ICA1: variants seen among roughly 807,000 people sequenced by gnomAD.
ICA1 encodes islet cell autoantigen 1.
ICA1 carries 40 observed loss-of-function variants against 71.0 expected under a neutral mutation model. The ratio of observed to expected loss-of-function variants is 0.56; its 90% confidence interval spans 0.44 to 0.73. ICA1 has a LOEUF of 0.73. Among genes scored for constraint, ICA1 ranks in the 30% least tolerant of loss-of-function variants. The probability of loss-of-function intolerance (pLI) is 0.00; values close to 1 mark genes in which losing one functional copy is unlikely to be tolerated. For synonymous variants in ICA1, 207 were observed against 209.5 expected, an observed-to-expected ratio of 0.99 and a Z score of 0.10; for missense variants, 578 against 576.5, an observed-to-expected ratio of 1.00 and a Z score of -0.03.
At chr7:8,199,712 C>T (rs1326839525) in intron 6 of ICA1, among the ~76,000 whole-genome samples, 1 of 151,946 alleles carries the variant, frequency 6.6e-6, no homozygotes, top group Non-Finnish European at 1.5e-5. Context: ...GACTCTGTCT[C>T]AAAACAAAAA....
chr7:8,255,540 G>T (rs747433875), intron 1 of ICA1, among the ~76,000 whole-genome samples: 3 of 152,116 alleles, frequency 2.0e-5, no homozygotes, highest in Non-Finnish European at 4.4e-5. Flanking sequence ...GGCTTCAACT[G>T]CCAGCTGTAT....
chr7:8,173,161 C>T lies in ICA1; in HGVS notation c.580-14509G>A, dbSNP rs969195732. Among the ~76,000 whole-genome samples, 1 of 152,164 alleles carries T rather than the reference C, an allele frequency of 6.6e-6. No individual in the cohort carries two copies. The highest frequency in any genetic ancestry group is 1.5e-5 in the Non-Finnish European group (1 of 68,030). On this transcript the variant is annotated intron_variant, in intron 6 of 13. Transcript: ENST00000402384. The surrounding 1 kb of genome is among the most constrained non-coding windows in gnomAD (Gnocchi z 4.0). ...AGGTCACGGCCTCTGACTATCATGT[C>T]CCCTCTCTAAGTAACCAGGGCTCCT...
At chr7:8,156,005 G>A (rs1452561306) in intron 8 of ICA1, among the ~76,000 whole-genome samples, 1 of 152,202 alleles carries the variant, frequency 6.6e-6, no homozygotes, top group African/African-American at 2.4e-5. Flanking sequence ...CATTCACCAT[G>A]CAACATGCCA....
At chr7:8,237,474 T>C (rs62433201) in intron 1 of ICA1, among the ~76,000 whole-genome samples, 1,967 of 152,302 alleles carry the variant, frequency 0.013, 19 homozygotes, top group Non-Finnish European at 0.02. Context: ...AGTTTATTCT[T>C]TTAATTTAAA....
intron 1 of ICA1, among the ~76,000 whole-genome samples, chr7:8,252,582 T>C (rs73236352): frequency 0.044 from 6,748 of 152,170 alleles, 459 homozygotes; most frequent in African/African-American, 0.15. Flanking sequence ...GCTCTAAATG[T>C]AAAATTCACA....
chr7:8,180,319 CCAT>C (rs1382777779), intron 6 of ICA1, among the ~76,000 whole-genome samples: 1 of 151,864 alleles, frequency 6.6e-6, no homozygotes, highest in Admixed American at 6.6e-5. Context: ...AACATCACAC[CCAT>C]GACAGTCATC....
In ICA1 at chr7:8,252,428, T is replaced by C. The variant is rs111358783; in HGVS notation, c.-80+9666A>G. 1.4e-3 allele frequency among the ~76,000 whole-genome samples: 219 copies of C among 152,286 alleles called. 1 individual carries two copies. Among genetic ancestry groups the C allele is most frequent in the African/African-American group, 5.0e-3 (206 of 41,570 alleles). On this transcript the variant is annotated intron_variant, in intron 1 of 13. Transcript: ENST00000402384. ...CTCTTACAAATCTTACTTTAAAGAATTGCACCAACTTAAATTTTCTTTTTA... is the reference window on the plus strand; with the variant it reads ...CTCTTACAAATCTTACTTTAAAGAACTGCACCAACTTAAATTTTCTTTTTA...
chr7:8,197,574 AAATAATAATAATAATAATAAT>A (rs56773343), intron 6 of ICA1, among the ~76,000 whole-genome samples: 2 of 129,642 alleles, frequency 1.5e-5, no homozygotes, highest in East Asian at 4.4e-4. Context: ...AAGAAAGAAG[AAATAATAATAATAATAATAAT>A]AATAATAATA....
At chr7:8,141,940 CGAA>C (rs1324313249) in intron 9 of ICA1, 123 bp from the exon 10 acceptor site, 2 of 1,440,656 alleles carry the variant, frequency 1.4e-6, no homozygotes, top group East Asian at 2.6e-5. Context: ...CACACGCACA[CGAA>C]GAAGGGTCAA....
chr7:8,115,760 A>G (rs1784595869), intron 13 of ICA1, among the ~76,000 whole-genome samples: 1 of 152,282 alleles, frequency 6.6e-6, no homozygotes, highest in Non-Finnish European at 1.5e-5. Flanking sequence ...GCAAACACAG[A>G]TGATATCTTC....
intron 1 of ICA1, among the ~76,000 whole-genome samples, chr7:8,251,124 G>C (rs1006800300): frequency 2.6e-5 from 4 of 152,008 alleles, no homozygotes; most frequent in Non-Finnish European, 4.4e-5. Context: ...CTGAGCTCAA[G>C]TGATCCACCA....
At chr7:8,117,655 G>A (rs74610283) in intron 13 of ICA1, among the ~76,000 whole-genome samples, 16,852 of 152,188 alleles carry the variant, frequency 0.11, 989 homozygotes, top group African/African-American at 0.13. Flanking sequence ...TCACTGTTGG[G>A]ATCATTGTGC....
intron 6 of ICA1, among the ~76,000 whole-genome samples, chr7:8,165,473 A>G (rs1219364517): frequency 6.6e-6 from 1 of 152,182 alleles, no homozygotes; most frequent in Non-Finnish European, 1.5e-5. Flanking sequence ...CAAGACAACG[A>G]TGCCCTCTCT....
intron 6 of ICA1, among the ~76,000 whole-genome samples, chr7:8,178,984 G>A (rs1484146476): frequency 6.6e-6 from 1 of 152,156 alleles, no homozygotes; most frequent in African/African-American, 2.4e-5. Context: ...TATGGACAAA[G>A]TTCTCTACAA....
chr7:8,191,138 T>A (rs1785460370), intron 6 of ICA1, among the ~76,000 whole-genome samples: 1 of 152,208 alleles, frequency 6.6e-6, no homozygotes, highest in South Asian at 2.1e-4. Flanking sequence ...CTGAAATCAC[T>A]ATTTTGATGT....
At chr7:8,204,610 C>T (rs1397126105) in intron 6 of ICA1, among the ~76,000 whole-genome samples, 2 of 152,178 alleles carry the variant, frequency 1.3e-5, no homozygotes, top group East Asian at 1.9e-4. Flanking sequence ...AATTTTCTTA[C>T]ATAAATAAAC....
chr7:8,195,180 T>C (rs182851229), intron 6 of ICA1, among the ~76,000 whole-genome samples: 35 of 152,278 alleles, frequency 2.3e-4, no homozygotes, highest in Non-Finnish European at 1.5e-4. Flanking sequence ...AGATAATACA[T>C]AGATACTAGA....
chr7:8,202,295 G>T (rs1458962140), intron 6 of ICA1, among the ~76,000 whole-genome samples: 1 of 152,160 alleles, frequency 6.6e-6, no homozygotes, highest in Non-Finnish European at 1.5e-5. Context: ...GACATGTTCT[G>T]ACTGTGTCAC....
rs546895951 is a variant in ICA1 at position 8,182,274 on chromosome 7, T to G, written c.580-23622A>C. 5.9e-5 allele frequency among the ~76,000 whole-genome samples: 9 copies of G among 152,338 alleles called. No homozygotes were observed. In the South Asian group the frequency reaches 1.9e-3, roughly 32 times the overall value. ...TAACAAGATCCTTTATGTTCTCTTTTCTAGAACTAGACTCCCTGCATTTCA... is the reference window on the plus strand; with the variant it reads ...TAACAAGATCCTTTATGTTCTCTTTGCTAGAACTAGACTCCCTGCATTTCA... On this transcript the variant is annotated intron_variant, in intron 6 of 13. Coordinates refer to ENST00000402384, the MANE Select transcript of ICA1 (RefSeq NM_001136020.3).
Sources: gnomAD v4.1 joint callset for allele counts (sites outside exome capture counted in the v4.1 genomes callset) on GRCh38, gnomAD v4.1.1 for gene constraint, Gnocchi (gnomAD v3.1) non-coding constraint, MANE v1.5 for transcripts, NCBI Gene and HGNC (gene_info 2026-07-23, HGNC 2026-07-21) for gene names.